Variants in TNFRSF10B observed in about 807,000 individuals in gnomAD.
TNFRSF10B encodes the protein TNF receptor superfamily member 10b, also known as tumor necrosis factor receptor superfamily member 10B.
A neutral mutation model predicts 41.4 loss-of-function variants in TNFRSF10B; 35 were observed. The observed-to-expected ratio is 0.85, with a 90% confidence interval of 0.65 to 1.12. TNFRSF10B has a LOEUF of 1.12. Among genes scored for constraint, TNFRSF10B ranks in the 50% most tolerant of loss-of-function variants. The pLI is 0.00. For missense variants in TNFRSF10B, 584 were observed against 552.7 expected, an observed-to-expected ratio of 1.06 and a Z score of -0.57; for synonymous variants, 230 against 215.5, an observed-to-expected ratio of 1.07 and a Z score of -0.59.
chr8:23,048,476 A>G (rs1195046320), intron 1 of TNFRSF10B, among the ~76,000 whole-genome samples: 1 of 150,752 alleles, frequency 6.6e-6, no homozygotes, highest in Non-Finnish European at 1.5e-5. Flanking sequence ...TCAGAAGCAG[A>G]GAATAGAATG....
chr8:23,069,020 T>C lies in TNFRSF10B; in HGVS notation c.-126A>G, dbSNP rs1254731617. 3 of 1,490,444 alleles carry C rather than the reference T, an allele frequency of 2.0e-6. No homozygotes were observed. Among genetic ancestry groups the C allele is most frequent in the Non-Finnish European group, 2.8e-6 (3 of 1,090,466 alleles). 92.3% of individuals were successfully genotyped at this position (1,490,444 alleles called of 1,614,324 possible). On this transcript the variant is annotated 5_prime_UTR_variant, in exon 1 of 9. Transcript: ENST00000276431. ...GGTTCTCCGGCCGCGTGCTGATTTATGTGTCCAGGCTGACTTGGGGCGGCG... is the reference window on the plus strand; with the variant it reads ...GGTTCTCCGGCCGCGTGCTGATTTACGTGTCCAGGCTGACTTGGGGCGGCG...
At chr8:23,055,521 T>TAAAAAAAAAAAAAAAAAAA (rs34761330) in intron 1 of TNFRSF10B, among the ~76,000 whole-genome samples, 20 of 120,532 alleles carry the variant, frequency 1.7e-4, no homozygotes, top group African/African-American at 5.2e-4. Flanking sequence ...ATTAAATGCT[T>TAAAAAAAAAAAAAAAAAAA]AAAAAAAAAA....
At chr8:23,045,873 G>C (rs1159908883) in intron 1 of TNFRSF10B, among the ~76,000 whole-genome samples, 2 of 152,124 alleles carry the variant, frequency 1.3e-5, no homozygotes, top group East Asian at 3.9e-4. Context: ...AAAAGCATTT[G>C]ACAAAACACA....
intron 2 of TNFRSF10B, among the ~76,000 whole-genome samples, chr8:23,038,698 G>A (rs765534158): frequency 1.1e-4 from 17 of 152,138 alleles, no homozygotes; most frequent in Non-Finnish European, 2.2e-4. Flanking sequence ...TTGTATACAG[G>A]ATAGCTGTAT....
chr8:23,027,533 C>T, intron 6 of TNFRSF10B, 189 bp downstream of exon 6: 1 of 817,496 alleles, frequency 1.2e-6, no homozygotes, highest in Non-Finnish European at 1.9e-6. Flanking sequence ...TGGGCTGCAG[C>T]AGGGCTCACC....
intron 2 of TNFRSF10B, among the ~76,000 whole-genome samples, chr8:23,037,776 G>C (rs1181661440): frequency 6.6e-6 from 1 of 152,180 alleles, no homozygotes; most frequent in African/African-American, 2.4e-5. Flanking sequence ...GGTTCTCCAG[G>C]AGACTGTCTA....
At chr8:23,028,174 C>T (rs756463940) in intron 5 of TNFRSF10B, 157 bp downstream of exon 5, 157 of 964,744 alleles carry the variant, frequency 1.6e-4, no homozygotes, top group Middle Eastern at 9.6e-4. Context: ...GGGGGGTGCA[C>T]GGGATGTGGG....
rs1811574310 is a variant in TNFRSF10B, at chr8:23,022,752, G to T, written c.1242C>A (p.Ala414=). 3 of 1,613,918 alleles carry T rather than the reference G, an allele frequency of 1.9e-6. No individual in the cohort carries two copies. Among genetic ancestry groups the T allele is most frequent in the Non-Finnish European group, 2.5e-6 (3 of 1,179,968 alleles). Residue 414 remains alanine (A), a synonymous_variant, in exon 9 of 9, where the codon GCC becomes GCA. Transcript: ENST00000276431. ...ACAAGTGGTCCTCAATCTTCTGCTT[G>T]GCAAGTCTCTCTCCCAGCGTCTCCA... ...DALETLGERL[A]KQKIEDHLLS...
At chr8:23,054,741 G>A (rs1487360960) in intron 1 of TNFRSF10B, among the ~76,000 whole-genome samples, 2 of 152,168 alleles carry the variant, frequency 1.3e-5, no homozygotes, top group African/African-American at 4.8e-5. Context: ...GGAACCTCAA[G>A]AAGAGAGGAA....
At chr8:23,024,066 C>T (rs1811626442) in intron 8 of TNFRSF10B, 122 bp downstream of exon 8, 3 of 1,271,602 alleles carry the variant, frequency 2.4e-6, no homozygotes, top group African/African-American at 2.9e-5. Flanking sequence ...GTCTATAGCA[C>T]AGGACCCACG....
rs768665858 is a variant in TNFRSF10B, at chr8:23,028,567, G to A, written c.512C>T (p.Thr171Ile). ...PRGMVKVGDCTPWSDIECVHK... is the reference protein window; with the variant it reads ...PRGMVKVGDCIPWSDIECVHK... Reference sequence around the variant, plus strand: ...GACACATTCGATGTCACTCCAGGGTGTACAATCACCGACCTTGACCATCCC... The same window carrying A: ...GACACATTCGATGTCACTCCAGGGTATACAATCACCGACCTTGACCATCCC... The change falls in exon 5 of 9, where the codon ACA becomes ATA. Residue 171 changes from threonine to isoleucine, a missense_variant. Thr to Ile is a moderately conservative substitution (Grantham distance 89). Coordinates refer to ENST00000276431, the MANE Select transcript of TNFRSF10B (RefSeq NM_003842.5). 5.0e-6 allele frequency: 8 copies of A among 1,613,976 alleles called. No homozygotes were observed. The African/African-American group carries it at 8.0e-5, about 16-fold the overall frequency.
chr8:23,052,381 G>A (rs1319497817), intron 1 of TNFRSF10B, among the ~76,000 whole-genome samples: 1 of 149,362 alleles, frequency 6.7e-6, no homozygotes, highest in Non-Finnish European at 1.5e-5. Flanking sequence ...CACCTCCCAG[G>A]TTCACACCAT....
intron 1 of TNFRSF10B, among the ~76,000 whole-genome samples, chr8:23,050,332 C>T (rs1031531814): frequency 4.6e-5 from 7 of 152,242 alleles, no homozygotes. Context: ...ACCATGTAAA[C>T]TTGAAAATGG....
At chr8:23,037,534 A>G (rs1363130794) in intron 2 of TNFRSF10B, among the ~76,000 whole-genome samples, 1 of 152,254 alleles carries the variant, frequency 6.6e-6, no homozygotes, top group Non-Finnish European at 1.5e-5. Flanking sequence ...GTGGACTCAC[A>G]GAATGCCTTA....
At chr8:23,067,239 A>G (rs1813014029) in intron 1 of TNFRSF10B, among the ~76,000 whole-genome samples, 2 of 151,850 alleles carry the variant, frequency 1.3e-5, no homozygotes, top group African/African-American at 2.4e-5. Flanking sequence ...CGGCCTCCCA[A>G]AGTGCTGGGA....
At chr8:23,032,756 A>T (rs916840107) in intron 2 of TNFRSF10B, among the ~76,000 whole-genome samples, 2 of 152,268 alleles carry the variant, frequency 1.3e-5, no homozygotes, top group Non-Finnish European at 2.9e-5. Context: ...GAAATTAAGA[A>T]AACAATTTCA....
intron 1 of TNFRSF10B, among the ~76,000 whole-genome samples, chr8:23,051,016 G>C (rs190346192): frequency 1.3e-5 from 2 of 152,248 alleles, no homozygotes; most frequent in Admixed American, 6.5e-5. Flanking sequence ...AGAGGTTGTA[G>C]TGAGCAGAGA....
chr8:23,030,720 G>C, intron 3 of TNFRSF10B, 39 bp downstream of exon 3: 1 of 1,497,352 alleles, frequency 6.7e-7, no homozygotes, highest in Non-Finnish European at 9.2e-7. Flanking sequence ...TCATCACCCC[G>C]CATTCCACCT....
chr8:23,039,893 A>G (rs1031947625), intron 2 of TNFRSF10B, among the ~76,000 whole-genome samples: 2 of 152,162 alleles, frequency 1.3e-5, no homozygotes, highest in African/African-American at 4.8e-5. Flanking sequence ...CAAGGAAACC[A>G]GTAAGAAAAT....
Sources: allele counts gnomAD v4.1 joint callset (sites outside exome capture counted in the v4.1 genomes callset), GRCh38; gene constraint gnomAD v4.1.1; transcripts MANE v1.5; gene names NCBI Gene and HGNC (gene_info 2026-07-23, HGNC 2026-07-21).